CCDC178: variants seen among roughly 807,000 people sequenced by gnomAD.
CCDC178 encodes the protein coiled-coil domain-containing protein 178.
In CCDC178, 126 loss-of-function variants were observed where a neutral mutation model predicts 117.4. The ratio of observed to expected loss-of-function variants is 1.07; its 90% CI spans 0.93 to 1.24. The LOEUF is 1.24. Among genes scored for constraint, CCDC178 ranks in the 50% most tolerant of loss-of-function variants. CCDC178 has a pLI of 0.00. For missense variants in CCDC178, 1,030 were observed against 986.9 expected, an observed-to-expected ratio of 1.04 and a Z score of -0.59; for synonymous variants, 283 against 313.4, an observed-to-expected ratio of 0.90 and a Z score of 1.02.
intron 20 of CCDC178, among the ~76,000 whole-genome samples, chr18:33,161,713 C>T (rs1216361292): frequency 6.6e-6 from 1 of 152,126 alleles, no homozygotes; most frequent in Non-Finnish European, 1.5e-5. Context: ...GAATTTGTTT[C>T]CAGCTTCATC....
intron 20 of CCDC178, among the ~76,000 whole-genome samples, chr18:33,121,161 GA>G (rs2057931366): frequency 6.6e-6 from 1 of 152,110 alleles, no homozygotes; most frequent in South Asian, 2.1e-4. Flanking sequence ...TTAAGTAAAA[GA>G]AATTATCATA....
intron 21 of CCDC178, among the ~76,000 whole-genome samples, chr18:33,057,641 A>C (rs2144949399): frequency 6.6e-6 from 1 of 152,098 alleles, no homozygotes; most frequent in Non-Finnish European, 1.5e-5. Context: ...ACAGGTGTCC[A>C]CCACTATGCC....
intron 3 of CCDC178, among the ~76,000 whole-genome samples, chr18:33,401,727 C>T (rs2063712296): frequency 6.6e-6 from 1 of 151,862 alleles, no homozygotes; most frequent in Admixed American, 6.6e-5. Flanking sequence ...TGACTCAAGA[C>T]AGAAGTTCAA....
chr18:33,099,085 C>A (rs1042409267), intron 20 of CCDC178, among the ~76,000 whole-genome samples: 9 of 152,024 alleles, frequency 5.9e-5, no homozygotes, highest in Non-Finnish European at 1.0e-4. Flanking sequence ...TTCTTGGCCC[C>A]TTAGGAACAG....
At chr18:33,328,586 G>T (rs909123135) in intron 10 of CCDC178, among the ~76,000 whole-genome samples, 3 of 152,060 alleles carry the variant, frequency 2.0e-5, no homozygotes, top group African/African-American at 7.2e-5. Flanking sequence ...ATAAATGATT[G>T]TTCTTGCACC....
intron 21 of CCDC178, among the ~76,000 whole-genome samples, chr18:33,064,017 C>A (rs992804087): frequency 2.6e-5 from 4 of 152,120 alleles, no homozygotes; most frequent in Non-Finnish European, 5.9e-5. Flanking sequence ...ACTATAGACA[C>A]AGCTGTAGGA....
intron 21 of CCDC178, among the ~76,000 whole-genome samples, chr18:33,011,604 A>C (rs749752220): frequency 1.2e-4 from 18 of 151,678 alleles, no homozygotes; most frequent in Admixed American, 9.2e-4. Context: ...TGAAACAAAG[A>C]CACATGCTTG....
chr18:33,328,294 G>C (rs1180149515), intron 10 of CCDC178, among the ~76,000 whole-genome samples: 3 of 151,600 alleles, frequency 2.0e-5, no homozygotes, highest in African/African-American at 7.3e-5. Context: ...GTAGAAACGG[G>C]GTTTCACCAT....
chr18:33,064,954 G>GTTCAT (rs2144974686), intron 21 of CCDC178, among the ~76,000 whole-genome samples: 1 of 151,780 alleles, frequency 6.6e-6, no homozygotes, highest in Admixed American at 6.6e-5. Flanking sequence ...TTGAACTGGA[G>GTTCAT]GACATCACAT....
At chr18:33,087,143 A>G (rs1211955550) in intron 21 of CCDC178, among the ~76,000 whole-genome samples, 1 of 152,170 alleles carries the variant, frequency 6.6e-6, no homozygotes, top group Non-Finnish European at 1.5e-5. Flanking sequence ...TAATATTAAA[A>G]ACAAAATGTT....
chr18:33,184,926 T>C (rs1490595227), intron 20 of CCDC178, among the ~76,000 whole-genome samples: 2 of 152,094 alleles, frequency 1.3e-5, no homozygotes, highest in African/African-American at 2.4e-5. Flanking sequence ...GTGGTATTAC[T>C]GCTTCTTGTA....
At chr18:33,341,148 C>T (rs138866298) in intron 9 of CCDC178, among the ~76,000 whole-genome samples, 16 of 152,286 alleles carry the variant, frequency 1.1e-4, no homozygotes, top group African/African-American at 3.9e-4. Flanking sequence ...GGATGTGAGA[C>T]CTGGAGTCAA....
intron 3 of CCDC178, among the ~76,000 whole-genome samples, chr18:33,408,709 T>TA (rs1443661985): frequency 6.6e-6 from 1 of 152,112 alleles, no homozygotes; most frequent in Non-Finnish European, 1.5e-5. Context: ...CACTATTCTG[T>TA]AAAAAAATTC....
rs2062933417 is a variant in CCDC178 at position 33,348,965 on chromosome 18, A to C, written c.382T>G (p.Ser128Ala). ...TCTTCTTTCAGGTCTTTTGTGGAAGAAGTTCTGCTCCTATATAATGGGAAA... is the reference window on the plus strand; with the variant it reads ...TCTTCTTTCAGGTCTTTTGTGGAAGCAGTTCTGCTCCTATATAATGGGAAA... The part of the protein sequence containing the change: ...ETSFEEWSRT[S>A]STKDLKEDWS... Residue 128 changes from serine to alanine, a missense_variant, in exon 8 of 23, where the codon TCT (serine) becomes GCT (alanine). Physicochemically the swap from Ser to Ala is moderately conservative, Grantham distance 99. Coordinates refer to ENST00000383096, the MANE Select transcript of CCDC178 (RefSeq NM_001105528.4). 6.2e-7 allele frequency: 1 copy of C among 1,607,762 alleles called. No individual in the cohort carries two copies. Among genetic ancestry groups the C allele is most frequent in the Non-Finnish European group, 8.5e-7 (1 of 1,176,460 alleles).
intron 6 of CCDC178, among the ~76,000 whole-genome samples, chr18:33,364,732 C>CTTTT (rs34988094): frequency 8.1e-5 from 9 of 110,810 alleles, no homozygotes; most frequent in African/African-American, 1.0e-4. Context: ...GTTGTCGCTC[C>CTTTT]TTTTTTTTTT....
chr18:33,330,929 G>T (rs759434831), intron 10 of CCDC178, among the ~76,000 whole-genome samples: 21 of 150,668 alleles, frequency 1.4e-4, no homozygotes, highest in Non-Finnish European at 2.9e-4. Flanking sequence ...AAAACATCTG[G>T]AATAATGTTT....
chr18:32,960,774 G>C (rs1344492460), intron 22 of CCDC178, among the ~76,000 whole-genome samples: 1 of 151,532 alleles, frequency 6.6e-6, no homozygotes, highest in Non-Finnish European at 1.5e-5. Flanking sequence ...TCACCACTTG[G>C]GATTAATCCT....
At chr18:33,406,329 G>A (rs1463511463) in intron 3 of CCDC178, among the ~76,000 whole-genome samples, 1 of 151,892 alleles carries the variant, frequency 6.6e-6, no homozygotes, top group African/African-American at 2.4e-5. Flanking sequence ...AATATACTAG[G>A]CAAATCAATA....
At chr18:33,222,290 T>C (rs1307310274) in intron 18 of CCDC178, among the ~76,000 whole-genome samples, 1 of 149,948 alleles carries the variant, frequency 6.7e-6, no homozygotes. Context: ...CTTCCTTCCT[T>C]CCTTCCTTTC....
Sources: allele counts gnomAD v4.1 joint callset (sites outside exome capture counted in the v4.1 genomes callset), GRCh38; gene constraint gnomAD v4.1.1; transcripts MANE v1.5; gene names NCBI Gene and HGNC (gene_info 2026-07-23, HGNC 2026-07-21).